NFIB: variants seen among roughly 807,000 people sequenced by gnomAD.
NFIB encodes the protein nuclear factor 1 B-type.
NFIB carries 11 observed loss-of-function variants against 61.5 expected under a neutral mutation model. That is an observed-to-expected ratio of 0.18 (90% confidence interval 0.11 to 0.30). The LOEUF (loss-of-function observed/expected upper bound fraction) is 0.30, where lower values mean the gene tolerates loss of function less well. Among genes scored for constraint, NFIB ranks in the 10% least tolerant of loss-of-function variants. The pLI is 1.00. For missense variants in NFIB, 471 were observed against 608.9 expected (o/e 0.77, Z 2.38); for synonymous variants, 260 against 216.5 (o/e 1.20, Z -1.76).
chr9:14,107,742 C>T (rs561742880), intron 10 of NFIB, among the ~76,000 whole-genome samples: 1 of 152,202 alleles, frequency 6.6e-6, no homozygotes, highest in East Asian at 1.9e-4. Context: ...TGTTCCTTTC[C>T]TACCCTGTCC....
At chr9:14,388,712 A>T (rs2061584633) in intron 1 of NFIB, among the ~76,000 whole-genome samples, 1 of 152,228 alleles carries the variant, frequency 6.6e-6, no homozygotes, top group South Asian at 2.1e-4. Context: ...GTGGGATTTG[A>T]TAGTGGATGA....
At chr9:14,486,647 C>T in the NFIB span, among the ~76,000 whole-genome samples, 1 of 151,934 alleles carries the variant, frequency 6.6e-6, no homozygotes, top group African/African-American at 2.4e-5. Context: ...CCAGGTGATG[C>T]CTTCCATGTT....
intron 3 of NFIB, among the ~76,000 whole-genome samples, chr9:14,173,384 G>A (rs181116860): frequency 1.6e-4 from 25 of 152,070 alleles, no homozygotes; most frequent in African/African-American, 5.1e-4. Context: ...GACCTGCATC[G>A]TAACACTAAT....
intron 2 of NFIB, among the ~76,000 whole-genome samples, chr9:14,289,776 A>T (rs1356563811): frequency 6.6e-6 from 1 of 152,028 alleles, no homozygotes; most frequent in Non-Finnish European, 1.5e-5. Flanking sequence ...AAACAGTCAA[A>T]ATTATTCTTC....
Position 14,313,782 on chromosome 9 carries a change from G to A in NFIB, c.-271C>T. ...TCCGAGCGCGCTGGCCGTGCTTGCC[G>A]AGGCCGCCGCCGCCGCCGGTGTTGG... On this transcript the variant is annotated 5_prime_UTR_variant, in exon 1 of 11. Transcript: ENST00000380953. This position sits in a 1 kb window ranked among gnomAD's most constrained non-coding sequence, Gnocchi z 4.5. The A allele has an allele frequency of 3.7e-6, 5 of 1,344,210 alleles. No homozygotes were observed. The highest frequency in any genetic ancestry group is 4.8e-6 in the Non-Finnish European group (5 of 1,048,748). The allele number at this position is 1,344,210 out of a possible 1,614,324, so 83.3% of individuals were successfully genotyped here. A position where few individuals can be genotyped will look rare whatever the true frequency, so the allele number is the denominator to read the frequency against.
intron 2 of NFIB, among the ~76,000 whole-genome samples, chr9:14,207,671 C>T (rs999370371): frequency 3.3e-5 from 5 of 151,870 alleles, no homozygotes; most frequent in African/African-American, 1.2e-4. Flanking sequence ...AGCTTCACCA[C>T]AGGATCAAGT....
chr9:14,269,720 A>G (rs963891201), intron 2 of NFIB, among the ~76,000 whole-genome samples: 8 of 152,162 alleles, frequency 5.3e-5, no homozygotes, highest in Admixed American at 2.6e-4. Flanking sequence ...ACATATACCT[A>G]TATGTCCCGA....
In NFIB at chr9:14,120,615, G is replaced by A; in HGVS notation, c.1070C>T (p.Thr357Ile). ...CGGTGAAGGTGGAGGTGGAGTTCGAGTTGAGATGACTGCAGAAGACAGAAA... is the reference window on the plus strand; with the variant it reads ...CGGTGAAGGTGGAGGTGGAGTTCGAATTGAGATGACTGCAGAAGACAGAAA... ...IPGVAHSVIS[T>I]RTPPPPSPLP... Residue 357 changes from threonine to isoleucine, a missense_variant, in exon 8 of 11, where the codon ACT becomes ATT. Physicochemically the swap from Thr to Ile is moderately conservative, Grantham distance 89. Coordinates refer to ENST00000380953, the MANE Select transcript of NFIB (RefSeq NM_001190737.2). The surrounding 1 kb of genome is among the most constrained non-coding windows in gnomAD (Gnocchi z 4.4). The A allele has an allele frequency of 6.2e-7, 1 of 1,607,094 alleles. No individual in the cohort carries two copies.
intron 1 of NFIB, among the ~76,000 whole-genome samples, chr9:14,393,250 C>T (rs1020213305): frequency 1.3e-5 from 2 of 152,112 alleles, no homozygotes; most frequent in African/African-American, 4.8e-5. Flanking sequence ...TCCCAGTGCA[C>T]TGGAACATCT....
the NFIB span, among the ~76,000 whole-genome samples, chr9:14,485,787 A>G: frequency 6.6e-6 from 1 of 152,094 alleles, no homozygotes; most frequent in Non-Finnish European, 1.5e-5. Context: ...AGGCAGGAGA[A>G]TCACTCAAAC....
the NFIB span, among the ~76,000 whole-genome samples, chr9:14,494,814 T>C: frequency 2.6e-5 from 4 of 152,156 alleles, no homozygotes; most frequent in Non-Finnish European, 5.9e-5. Flanking sequence ...GACTGGCCAC[T>C]CTCAATTGCC....
chr9:14,145,451 C>T (rs1197097251), intron 6 of NFIB, among the ~76,000 whole-genome samples: 1 of 152,060 alleles, frequency 6.6e-6, no homozygotes, highest in Admixed American at 6.6e-5. Flanking sequence ...AGATTTTTCA[C>T]TATTCTTTAA....
At chr9:14,458,377 G>A in the NFIB span, among the ~76,000 whole-genome samples, 5 of 152,150 alleles carry the variant, frequency 3.3e-5, no homozygotes, top group South Asian at 2.1e-4. Context: ...CAAAATAATA[G>A]GAGCTATTTA....
chr9:14,207,480 C>T (rs1027486161), intron 2 of NFIB, among the ~76,000 whole-genome samples: 2 of 152,180 alleles, frequency 1.3e-5, no homozygotes, highest in African/African-American at 4.8e-5. Context: ...ACCAGAAAAC[C>T]CCTTTTGCCC....
At chr9:14,344,462 C>T (rs1210946771) in intron 1 of NFIB, among the ~76,000 whole-genome samples, 1 of 152,060 alleles carries the variant, frequency 6.6e-6, no homozygotes, top group Non-Finnish European at 1.5e-5. Context: ...GCCTCTTTGT[C>T]TCTTTTGTTC....
chr9:14,182,509 C>T (rs2046887863), intron 2 of NFIB, among the ~76,000 whole-genome samples: 1 of 152,094 alleles, frequency 6.6e-6, no homozygotes, highest in South Asian at 2.1e-4. Context: ...AAGGAAGTAA[C>T]CAGGGAGTCG....
chr9:14,429,919 T>G, the NFIB span, among the ~76,000 whole-genome samples: 1 of 152,246 alleles, frequency 6.6e-6, no homozygotes, highest in African/African-American at 2.4e-5. Flanking sequence ...GATGTTGGTT[T>G]TTAAATAAGA....
chr9:14,172,674 C>G (rs2045696357), intron 3 of NFIB, among the ~76,000 whole-genome samples: 1 of 152,114 alleles, frequency 6.6e-6, no homozygotes, highest in Non-Finnish European at 1.5e-5. Context: ...GTTTCTTTTG[C>G]CTCCTTTATA....
At chr9:14,469,790 G>T in the NFIB span, among the ~76,000 whole-genome samples, 1 of 152,152 alleles carries the variant, frequency 6.6e-6, no homozygotes, top group African/African-American at 2.4e-5. Context: ...GTTCTGCCTG[G>T]GGAGGTCTCC....
Sources: gnomAD v4.1 joint callset for allele counts (sites outside exome capture counted in the v4.1 genomes callset) on GRCh38, gnomAD v4.1.1 for gene constraint, Gnocchi (gnomAD v3.1) non-coding constraint, MANE v1.5 for transcripts, NCBI Gene and HGNC (gene_info 2026-07-23, HGNC 2026-07-21) for gene names.